CRHBP: variants seen among roughly 807,000 people sequenced by gnomAD.
CRHBP encodes the protein corticotropin-releasing hormone-binding protein.
CRHBP carries 19 observed loss-of-function variants against 34.9 expected under a neutral mutation model. The ratio of observed to expected loss-of-function variants is 0.55; its 90% CI spans 0.38 to 0.80. The LOEUF (loss-of-function observed/expected upper bound fraction) is 0.80. Ranked by LOEUF, CRHBP falls within the 30% of genes least tolerant of loss-of-function variation. CRHBP has a pLI of 0.00. For missense variants in CRHBP, 328 were observed against 409.2 expected (o/e 0.80, Z 1.71); for synonymous variants, 154 against 153.4 (o/e 1.00, Z -0.03).
At chr5:76,977,497 C>T (rs889189554) in intron 3 of CRHBP, among the ~76,000 whole-genome samples, 1 of 152,102 alleles carries the variant, frequency 6.6e-6, no homozygotes, top group African/African-American at 2.4e-5. Context: ...GATCTGTGAT[C>T]AGATGTTACT....
intron 6 of CRHBP, 76 bp from the exon 7 acceptor site, chr5:76,968,652 G>C: frequency 3.4e-6 from 5 of 1,456,982 alleles, no homozygotes; most frequent in Non-Finnish European, 4.7e-6. Flanking sequence ...TTATGTTTAA[G>C]TGATCCCGTC....
intron 4 of CRHBP, among the ~76,000 whole-genome samples, chr5:76,957,679 C>T (rs1305187304): frequency 1.3e-5 from 2 of 152,030 alleles, no homozygotes; most frequent in Admixed American, 6.6e-5. Flanking sequence ...CCACCACTCC[C>T]GGCCAATGTA....
intron 5 of CRHBP, among the ~76,000 whole-genome samples, chr5:76,962,126 T>G (rs1745788038): frequency 6.6e-6 from 1 of 152,020 alleles, no homozygotes; most frequent in East Asian, 1.9e-4. Context: ...AGTTCTCTAT[T>G]TTAGATTTTG....
intron 2 of CRHBP, among the ~76,000 whole-genome samples, chr5:76,975,551 C>T (rs1364957472): frequency 5.9e-5 from 9 of 151,514 alleles, no homozygotes; most frequent in African/African-American, 2.4e-5. Flanking sequence ...ACCTGTAATC[C>T]CAACACTTTG....
chr5:76,968,204 G>T (rs199799901), intron 6 of CRHBP, among the ~76,000 whole-genome samples: 174 of 132,328 alleles, frequency 1.3e-3, no homozygotes, highest in Middle Eastern at 7.8e-3. Context: ...GTTTTTTTTT[G>T]TTTTTTTTTT....
intron 1 of CRHBP, 57 bp from the exon 2 acceptor site, chr5:76,953,543 TC>T (rs1305520805): frequency 6.6e-7 from 1 of 1,516,472 alleles, no homozygotes. Context: ...CCGCTCCTGG[TC>T]CCCTTTTTTA....
chr5:76,958,550 C>T (rs947825486), intron 4 of CRHBP, 191 bp from the exon 5 acceptor site: 16 of 561,302 alleles, frequency 2.9e-5, no homozygotes, highest in African/African-American at 2.5e-4. Context: ...ACAATATCCA[C>T]GTGTCACTGA....
chr5:76,956,461 C>T lies in CRHBP; in HGVS notation c.544+598C>T, dbSNP rs773598952. Among the ~76,000 whole-genome samples, 25 of 152,324 alleles carry T rather than the reference C, an allele frequency of 1.6e-4. No individual in the cohort carries two copies. In the East Asian group the frequency reaches 1.9e-3, roughly 12 times the overall value. On this transcript the variant is annotated intron_variant, in intron 4 of 6. Coordinates refer to ENST00000274368, the MANE Select transcript of CRHBP (RefSeq NM_001882.4). ...ATTATCTTACTAAAAATATTTACTC[C>T]GCGGTGGCTCACGCCTGTAATCCCA...
intron 3 of CRHBP, among the ~76,000 whole-genome samples, chr5:76,955,380 T>G (rs781011650): frequency 4.6e-5 from 7 of 152,254 alleles, no homozygotes; most frequent in Admixed American, 6.5e-5. Context: ...CGTTGTTTTA[T>G]TTACCAAAGT....
At chr5:76,975,729 G>A (rs186637811) in intron 2 of CRHBP, among the ~76,000 whole-genome samples, 150 of 143,322 alleles carry the variant, frequency 1.0e-3, no homozygotes, top group Non-Finnish European at 1.5e-3. Flanking sequence ...GCTTGAACCC[G>A]GGAGGCAGAG....
In CRHBP at chr5:76,980,219, C is replaced by A. The variant is rs1390649060; in HGVS notation, n.468-742C>A. 3.7e-5 allele frequency among the ~76,000 whole-genome samples: 5 copies of A among 134,648 alleles called. No homozygotes were observed. In the South Asian group the frequency reaches 1.2e-3, roughly 32 times the overall value. The allele number at this position is 134,648 out of a possible 152,430, so 88.3% of individuals were successfully genotyped here. Reference sequence around the variant, plus strand: ...GCAGTGAGCCGAGATCGCGCCACTGCACTCCAGCCTGGGCGACAGAGCGAG... The same window carrying A: ...GCAGTGAGCCGAGATCGCGCCACTGAACTCCAGCCTGGGCGACAGAGCGAG... On this transcript the variant is annotated intron_variant and non_coding_transcript_variant, in intron 3 of 3. Coordinates refer to the CRHBP transcript ENST00000514258.
chr5:76,975,825 A>AAAAAAAAAATATATATAT, intron 2 of CRHBP, among the ~76,000 whole-genome samples: 1 of 61,856 alleles, frequency 1.6e-5, no homozygotes, highest in African/African-American at 9.1e-5. Context: ...AAAAAAAAAA[A>AAAAAAAAAATATATATAT]ATATATATAT....
At chr5:76,972,874 G>A (rs534345033), downstream of CRHBP, among the ~76,000 whole-genome samples, 9 of 152,274 alleles carry the variant, frequency 5.9e-5, no homozygotes, top group South Asian at 4.1e-4. Flanking sequence ...GCTTGGTCAC[G>A]TGACTGAATT....
At chr5:76,954,799 T>A (rs1253013164) in intron 3 of CRHBP, among the ~76,000 whole-genome samples, 1 of 152,170 alleles carries the variant, frequency 6.6e-6, no homozygotes, top group Non-Finnish European at 1.5e-5. Context: ...GCCTCCTCGA[T>A]TCCAGTCGTC....
chr5:76,954,814 T>G (rs905631320), intron 3 of CRHBP, among the ~76,000 whole-genome samples: 1 of 152,168 alleles, frequency 6.6e-6, no homozygotes, highest in Admixed American at 6.5e-5. Flanking sequence ...GTCGTCAGAC[T>G]CCATAAGTAT....
chr5:76,956,860 GC>G (rs1745679084), intron 4 of CRHBP, among the ~76,000 whole-genome samples: 1 of 152,160 alleles, frequency 6.6e-6, no homozygotes, highest in South Asian at 2.1e-4. Flanking sequence ...AACACTTCAT[GC>G]GGCTGAAAGA....
At chr5:76,953,755 G>A (rs377517805) in intron 2 of CRHBP, 61 bp downstream of exon 2, 9 of 1,473,498 alleles carry the variant, frequency 6.1e-6, no homozygotes, top group African/African-American at 1.4e-5. Context: ...GACTCTGTGC[G>A]GGGGGCAGAG....
chr5:76,958,023 G>T (rs1745715794), intron 4 of CRHBP, among the ~76,000 whole-genome samples: 1 of 151,996 alleles, frequency 6.6e-6, no homozygotes, highest in Non-Finnish European at 1.5e-5. Flanking sequence ...GCCAGATGTT[G>T]TGGCACATGT....
At chr5:76,966,698 A>G (rs1475024528) in intron 6 of CRHBP, among the ~76,000 whole-genome samples, 1 of 152,058 alleles carries the variant, frequency 6.6e-6, no homozygotes, top group Non-Finnish European at 1.5e-5. Context: ...TTCAGCATGA[A>G]TTGACCTTAA....
Sources: allele counts gnomAD v4.1 joint callset (sites outside exome capture counted in the v4.1 genomes callset), GRCh38; gene constraint gnomAD v4.1.1; transcripts MANE v1.5; gene names NCBI Gene and HGNC (gene_info 2026-07-23, HGNC 2026-07-21).